The following THEMIS variants were observed in gnomAD, a reference collection of about 807,000 sequenced individuals.
THEMIS encodes the protein thymocyte selection associated, also known as protein THEMIS.
In THEMIS, 37 loss-of-function variants were observed where a neutral mutation model predicts 52.6. The ratio of observed to expected loss-of-function variants is 0.70; its 90% confidence interval spans 0.54 to 0.93. The LOEUF is 0.93. Among genes scored for constraint, THEMIS ranks in the 40% least tolerant of loss-of-function variants. THEMIS has a pLI of 0.00. For synonymous variants in THEMIS, 292 were observed against 272.7 expected, an observed-to-expected ratio of 1.07 and a Z score of -0.70; for missense variants, 808 against 763.1, an observed-to-expected ratio of 1.06 and a Z score of -0.69.
chr6:127,894,949 T>C (rs771113510), intron 1 of THEMIS, among the ~76,000 whole-genome samples: 2 of 149,588 alleles, frequency 1.3e-5, no homozygotes, highest in Non-Finnish European at 3.0e-5. Context: ...TTTCAAAAAG[T>C]ATATACTTTT....
intron 4 of THEMIS, among the ~76,000 whole-genome samples, chr6:127,754,887 GGATA>G (rs1775768098): frequency 6.6e-6 from 1 of 152,040 alleles, no homozygotes; most frequent in African/African-American, 2.4e-5. Flanking sequence ...ATCATTTAAT[GGATA>G]TTCATAATAT....
intron 4 of THEMIS, among the ~76,000 whole-genome samples, chr6:127,735,103 C>T (rs1774956988): frequency 6.6e-6 from 1 of 151,276 alleles, no homozygotes; most frequent in African/African-American, 2.4e-5. Flanking sequence ...ATAGTCTCAG[C>T]AGACGAAAAT....
chr6:127,792,622 GA>G, intron 4 of THEMIS, among the ~76,000 whole-genome samples: 1 of 152,152 alleles, frequency 6.6e-6, no homozygotes, highest in Non-Finnish European at 1.5e-5. Flanking sequence ...ACCATTCCCT[GA>G]AAAACTCATG....
At chr6:127,804,271 G>A (rs1777629176) in intron 4 of THEMIS, among the ~76,000 whole-genome samples, 2 of 152,232 alleles carry the variant, frequency 1.3e-5, no homozygotes, top group Middle Eastern at 3.4e-3. Flanking sequence ...ATTTTAAAAA[G>A]TAGGTAGTGT....
chr6:127,798,653 C>T (rs946002858), intron 4 of THEMIS, among the ~76,000 whole-genome samples: 7 of 152,002 alleles, frequency 4.6e-5, no homozygotes, highest in Non-Finnish European at 7.4e-5. Context: ...GTTAGTGAGC[C>T]CCCAATAAAT....
intron 4 of THEMIS, among the ~76,000 whole-genome samples, chr6:127,805,706 G>T (rs1224552326): frequency 6.6e-6 from 1 of 152,076 alleles, no homozygotes; most frequent in African/African-American, 2.4e-5. Context: ...ATTTATTGAT[G>T]TAGGTCTGAT....
intron 1 of THEMIS, among the ~76,000 whole-genome samples, chr6:127,915,471 G>T (rs1342648): frequency 0.018 from 2,668 of 151,930 alleles, 85 homozygotes; most frequent in African/African-American, 0.06. Context: ...ATTGCTATTC[G>T]GCCCTGATTT....
At chr6:127,846,672 G>T (rs1779225333) in intron 2 of THEMIS, among the ~76,000 whole-genome samples, 1 of 151,702 alleles carries the variant, frequency 6.6e-6, no homozygotes. Flanking sequence ...AAAAAGCCCA[G>T]GGCCAGATAG....
chr6:127,818,601 C>T (rs956253970), intron 3 of THEMIS, among the ~76,000 whole-genome samples: 1 of 146,920 alleles, frequency 6.8e-6, no homozygotes, highest in Non-Finnish European at 1.5e-5. Context: ...AAAAAAACTA[C>T]AACATATATT....
At chr6:127,725,519 G>T (rs1039280485) in intron 4 of THEMIS, among the ~76,000 whole-genome samples, 1 of 151,852 alleles carries the variant, frequency 6.6e-6, no homozygotes, top group African/African-American at 2.4e-5. Flanking sequence ...AAATAATTTA[G>T]AAGATGATCA....
At chr6:127,846,712 A>G (rs2114712042) in intron 2 of THEMIS, among the ~76,000 whole-genome samples, 1 of 152,066 alleles carries the variant, frequency 6.6e-6, no homozygotes, top group East Asian at 1.9e-4. Context: ...TAGACATTCC[A>G]AGAAGAATTA....
intron 1 of THEMIS, among the ~76,000 whole-genome samples, chr6:127,864,688 C>G (rs993591187): frequency 2.6e-5 from 4 of 152,106 alleles, no homozygotes; most frequent in African/African-American, 9.7e-5. Context: ...CCTGAAGATA[C>G]AAGATCAGTG....
chr6:127,734,647 G>A (rs900056372), intron 4 of THEMIS, among the ~76,000 whole-genome samples: 21 of 151,856 alleles, frequency 1.4e-4, no homozygotes, highest in South Asian at 1.0e-3. Context: ...GAGGCAGGCC[G>A]ATCACGAAGC....
chr6:127,752,414 C>T (rs1485389101), intron 4 of THEMIS, among the ~76,000 whole-genome samples: 1 of 136,434 alleles, frequency 7.3e-6, no homozygotes, highest in African/African-American at 2.7e-5. Context: ...GCTAGAGTAA[C>T]TAAGAAAAAA....
upstream of THEMIS, chr6:127,901,228 T>C (rs377647946): frequency 6.6e-6 from 3 of 453,554 alleles, no homozygotes; most frequent in Admixed American, 3.7e-5. Context: ...GCCCAAAAAA[T>C]GAGACGTGCT....
chr6:127,732,788 A>T (rs1027997042), intron 4 of THEMIS, among the ~76,000 whole-genome samples: 6 of 152,244 alleles, frequency 3.9e-5, no homozygotes, highest in Non-Finnish European at 7.3e-5. Flanking sequence ...TGTTACAAAT[A>T]ATGCTGTTGT....
chr6:127,785,220 T>TATCTATC (rs144394110), intron 4 of THEMIS, among the ~76,000 whole-genome samples: 2 of 93,758 alleles, frequency 2.1e-5, no homozygotes, highest in African/African-American at 7.7e-5. Context: ...ATTATCTATC[T>TATCTATC]TATCTATCTA....
chr6:127,760,209 C>T (rs1775976515), intron 4 of THEMIS, among the ~76,000 whole-genome samples: 3 of 150,522 alleles, frequency 2.0e-5, no homozygotes. Context: ...TGTAGATTTA[C>T]TTTTGGGCTT....
chr6:127,703,035 GTTTTTTTTTTTTTT>G, the THEMIS span, among the ~76,000 whole-genome samples: 5 of 82,386 alleles, frequency 6.1e-5, no homozygotes, highest in South Asian at 4.6e-4. Flanking sequence ...TTTAGAATGA[GTTTTTTTTTTTTTT>G]TTTTTTTTTT....
Sources: allele counts gnomAD v4.1 joint callset (sites outside exome capture counted in the v4.1 genomes callset), GRCh38; gene constraint gnomAD v4.1.1; transcripts MANE v1.5; gene names NCBI Gene and HGNC (gene_info 2026-07-23, HGNC 2026-07-21).